Variants in FNBP1 observed in about 807,000 individuals in gnomAD.
FNBP1 encodes the protein formin binding protein 1.
A neutral mutation model predicts 90.6 loss-of-function variants in FNBP1; 26 were observed. That is an observed-to-expected ratio of 0.29 (90% confidence interval 0.21 to 0.40). FNBP1 has a LOEUF of 0.40. Ranked by LOEUF, FNBP1 falls within the 10% of genes least tolerant of loss-of-function variation. The probability of loss-of-function intolerance (pLI) is 1.00; values close to 1 mark genes in which losing one functional copy is unlikely to be tolerated. For missense variants in FNBP1, 635 were observed against 768.0 expected, an observed-to-expected ratio of 0.83 and a Z score of 2.05; for synonymous variants, 260 against 265.2, an observed-to-expected ratio of 0.98 and a Z score of 0.19.
intron 6 of FNBP1, among the ~76,000 whole-genome samples, chr9:129,953,752 A>G (rs2046513494): frequency 6.6e-6 from 1 of 151,880 alleles, no homozygotes; most frequent in Admixed American, 6.6e-5. Flanking sequence ...TGAGGTAAGC[A>G]TCTAAAGAAA....
intron 4 of FNBP1, among the ~76,000 whole-genome samples, chr9:129,965,725 T>C (rs547624134): frequency 0.049 from 3,614 of 74,462 alleles, 180 homozygotes; most frequent in African/African-American, 0.15. Flanking sequence ...CACACACACA[T>C]AGAAAGAAAA....
intron 1 of FNBP1, among the ~76,000 whole-genome samples, chr9:130,010,127 T>G (rs138449881): frequency 6.6e-6 from 1 of 152,300 alleles, no homozygotes; most frequent in East Asian, 1.9e-4. Flanking sequence ...ACCTGTGGAC[T>G]TTCCACTGGC....
intron 10 of FNBP1, among the ~76,000 whole-genome samples, chr9:129,923,302 C>T (rs866512156): frequency 1.3e-5 from 2 of 151,842 alleles, no homozygotes; most frequent in African/African-American, 2.4e-5. Flanking sequence ...AGAAAAAGGC[C>T]GGGCGCAGTG....
intron 10 of FNBP1, among the ~76,000 whole-genome samples, chr9:129,918,756 C>T (rs1454650241): frequency 6.6e-6 from 1 of 151,838 alleles, no homozygotes; most frequent in Non-Finnish European, 1.5e-5. Context: ...CTCCCGTGAC[C>T]ACGCACTGCA....
At chr9:129,912,040 C>T (rs116249523) in intron 11 of FNBP1, among the ~76,000 whole-genome samples, 6,538 of 152,138 alleles carry the variant, frequency 0.043, 293 homozygotes, top group African/African-American at 0.11. Flanking sequence ...TCAGGGGAAC[C>T]CCAACTTGAA....
intron 15 of FNBP1, among the ~76,000 whole-genome samples, chr9:129,896,491 C>G (rs1365996144): frequency 1.3e-5 from 2 of 152,122 alleles, no homozygotes; most frequent in Non-Finnish European, 2.9e-5. Flanking sequence ...TCAAGCGATT[C>G]TCCTGTCTCA....
At chr9:129,963,371 T>C (rs1276832496) in intron 4 of FNBP1, among the ~76,000 whole-genome samples, 1 of 152,178 alleles carries the variant, frequency 6.6e-6, no homozygotes, top group Non-Finnish European at 1.5e-5. Context: ...GAGGGATGAT[T>C]TTGATTGAAA....
intron 12 of FNBP1, among the ~76,000 whole-genome samples, chr9:129,907,458 A>T (rs1369709702): frequency 6.6e-6 from 1 of 152,090 alleles, no homozygotes; most frequent in Non-Finnish European, 1.5e-5. Context: ...AGTGCTTGGT[A>T]TTTAACATCT....
At chr9:129,928,397 G>A (rs374532792) in intron 7 of FNBP1, among the ~76,000 whole-genome samples, 5 of 152,316 alleles carry the variant, frequency 3.3e-5, no homozygotes, top group Admixed American at 2.0e-4. Flanking sequence ...TGTGGCTCAC[G>A]CCTGTAATCC....
At position 129,924,032 on chromosome 9, in the gene FNBP1, T is replaced by C. The variant is rs1443757716; in HGVS notation, c.988-6A>G. On this transcript the variant is annotated splice_polypyrimidine_tract_variant and splice_region_variant and intron_variant, in intron 9 of 16. Transcript: ENST00000446176. ...GATGTTAAAAGGGACATAAGCTACATGTAAGAGATGGAGCCGTGACAGAGT... is the reference window on the plus strand; with the variant it reads ...GATGTTAAAAGGGACATAAGCTACACGTAAGAGATGGAGCCGTGACAGAGT... The C allele has an allele frequency of 6.0e-6, 9 of 1,504,692 alleles. No individual in the cohort carries two copies. The East Asian group carries it at 8.1e-5, about 14-fold the overall frequency. 93.2% of individuals were successfully genotyped at this position (1,504,692 alleles called of 1,614,324 possible).
At chr9:129,956,444 G>A (rs954253309) in intron 6 of FNBP1, among the ~76,000 whole-genome samples, 2 of 152,078 alleles carry the variant, frequency 1.3e-5, no homozygotes, top group Non-Finnish European at 2.9e-5. Flanking sequence ...TGTTTACATT[G>A]TATTGATGAC....
At chr9:129,909,258 GGA>G (rs1407479950) in intron 11 of FNBP1, among the ~76,000 whole-genome samples, 1 of 152,196 alleles carries the variant, frequency 6.6e-6, no homozygotes, top group African/African-American at 2.4e-5. Context: ...CTACAGTAAA[GGA>G]GAGTAAGAGA....
At chr9:129,982,490 A>G (rs370290223) in intron 2 of FNBP1, among the ~76,000 whole-genome samples, 1 of 152,098 alleles carries the variant, frequency 6.6e-6, no homozygotes, top group South Asian at 2.1e-4. Flanking sequence ...AAAAAGAAAG[A>G]AAGAAAAAAA....
intron 4 of FNBP1, among the ~76,000 whole-genome samples, chr9:129,965,806 AGGGAGGG>A (rs760280000): frequency 0.12 from 11,712 of 95,190 alleles, 1,256 homozygotes; most frequent in East Asian, 0.47. Context: ...GGGGGGAAGG[AGGGAGGG>A]AGGGAGGAAG....
In FNBP1 at chr9:130,042,839, C is replaced by G; in HGVS notation, c.24+113G>C. ...CCTCCTCCCCAGGCCGCGAGGACCC[C>G]GACCAGCGCGCCCTCGCCTCCGCCC... On this transcript the variant is annotated intron_variant, in intron 1 of 16. Transcript: ENST00000446176. This position sits in a 1 kb window ranked among gnomAD's most constrained non-coding sequence, Gnocchi z 5.5. 2 of 693,116 alleles carry G rather than the reference C, an allele frequency of 2.9e-6. No individual in the cohort carries two copies. Among genetic ancestry groups the G allele is most frequent in the Non-Finnish European group, 4.0e-6 (2 of 501,208 alleles). The allele number at this position is 693,116 out of a possible 1,614,324, so 42.9% of individuals were successfully genotyped here.
chr9:130,009,811 C>CAAAAAACAAAAAAAA (rs1564566282), intron 1 of FNBP1, among the ~76,000 whole-genome samples: 1 of 150,902 alleles, frequency 6.6e-6, no homozygotes, highest in Non-Finnish European at 1.5e-5. Context: ...ATAACAAAAA[C>CAAAAAACAAAAAAAA]AAAAAACAAA....
intron 6 of FNBP1, among the ~76,000 whole-genome samples, chr9:129,956,903 C>T (rs1279323985): frequency 6.6e-6 from 1 of 152,166 alleles, no homozygotes; most frequent in Non-Finnish European, 1.5e-5. Context: ...TTCTGGTCCC[C>T]ACAATGGTTG....
At chr9:129,953,169 T>G (rs2046421564) in intron 6 of FNBP1, among the ~76,000 whole-genome samples, 1 of 152,196 alleles carries the variant, frequency 6.6e-6, no homozygotes, top group Non-Finnish European at 1.5e-5. Flanking sequence ...TCATACAGAT[T>G]TCCCAGGACC....
At chr9:129,894,230 C>G (rs1406051281) in intron 16 of FNBP1, among the ~76,000 whole-genome samples, 1 of 152,036 alleles carries the variant, frequency 6.6e-6, no homozygotes, top group Non-Finnish European at 1.5e-5. Context: ...AGTGGGTTGT[C>G]TATGATCTCG....
Sources: allele counts gnomAD v4.1 joint callset (sites outside exome capture counted in the v4.1 genomes callset), GRCh38; gene constraint gnomAD v4.1.1; non-coding constraint Gnocchi (gnomAD v3.1); transcripts MANE v1.5; gene names NCBI Gene and HGNC (gene_info 2026-07-23, HGNC 2026-07-21).